SLIT3: variants seen among roughly 807,000 people sequenced by gnomAD.
The protein encoded by SLIT3 is slit homolog 3 protein.
A neutral mutation model predicts 184.0 loss-of-function variants in SLIT3; 68 were observed. That is an observed-to-expected ratio of 0.37 (90% CI 0.30 to 0.45). The LOEUF is 0.45. Ranked by LOEUF, SLIT3 falls within the 20% of genes least tolerant of loss-of-function variation. The pLI is 1.00. For synonymous variants in SLIT3, 831 were observed against 828.6 expected, an observed-to-expected ratio of 1.00 and a Z score of -0.05; for missense variants, 1,707 against 2,026.0, an observed-to-expected ratio of 0.84 and a Z score of 3.02.
chr5:169,260,890 C>T (rs980286041), intron 1 of SLIT3, among the ~76,000 whole-genome samples: 14 of 152,250 alleles, frequency 9.2e-5, no homozygotes, highest in Middle Eastern at 3.4e-3. Context: ...CTATGATAAA[C>T]GCTGTATACC....
intron 20 of SLIT3, among the ~76,000 whole-genome samples, chr5:168,738,149 C>T (rs1763496713): frequency 1.3e-5 from 2 of 152,168 alleles, no homozygotes; most frequent in South Asian, 4.1e-4. Context: ...TTTCAGGGGT[C>T]TATGAGGCCA....
chr5:168,886,740 T>C (rs938568412), intron 4 of SLIT3, among the ~76,000 whole-genome samples: 2 of 152,150 alleles, frequency 1.3e-5, no homozygotes, highest in African/African-American at 4.8e-5. Flanking sequence ...GGAAAGGCTT[T>C]CTTGGTTGGG....
At chr5:168,927,718 C>T (rs972935066) in intron 4 of SLIT3, among the ~76,000 whole-genome samples, 1 of 152,198 alleles carries the variant, frequency 6.6e-6, no homozygotes, top group African/African-American at 2.4e-5. Flanking sequence ...GCAGGGCCCC[C>T]GCCCTTACCA....
At chr5:168,722,875 G>A in intron 22 of SLIT3, 58 bp downstream of exon 22, 2 of 1,322,884 alleles carry the variant, frequency 1.5e-6, no homozygotes, top group Non-Finnish European at 2.2e-6. Flanking sequence ...GAGGGAAAGA[G>A]TAACCATCTA....
chr5:169,151,046 C>T (rs1561699410), intron 4 of SLIT3, among the ~76,000 whole-genome samples: 1 of 151,956 alleles, frequency 6.6e-6, no homozygotes, highest in African/African-American at 2.4e-5. Flanking sequence ...GAAAAAAAAA[C>T]TCTAAAAATA....
At position 168,741,415 on chromosome 5, in the gene SLIT3, A is replaced by G. The variant is rs535288262; in HGVS notation, c.2270+6887T>C. Among the ~76,000 whole-genome samples the G allele has an allele frequency of 8.1e-4, 117 of 144,922 alleles. 2 individuals carry two copies. The highest frequency in any genetic ancestry group is 3.8e-3 in the Admixed American group (53 of 14,016). ...GAACCCGGGAGGCAGAGCTTGCAGT[A>G]AGCCGAGATCACACCACTGCATTCC... is the stretch of plus-strand genomic sequence containing the variant. On this transcript the variant is annotated intron_variant, in intron 20 of 35. Transcript: ENST00000519560.
At chr5:168,769,578 A>G (rs1561922635) in intron 14 of SLIT3, among the ~76,000 whole-genome samples, 1 of 152,090 alleles carries the variant, frequency 6.6e-6, no homozygotes, top group African/African-American at 2.4e-5. Context: ...GTCAGCCACT[A>G]GAATCTGGAC....
At chr5:168,895,485 T>TTCA in intron 4 of SLIT3, among the ~76,000 whole-genome samples, 1 of 152,320 alleles carries the variant, frequency 6.6e-6, no homozygotes, top group Admixed American at 6.5e-5. Flanking sequence ...GGCCATCTGC[T>TTCA]GATAAAATCA....
At chr5:168,781,670 C>T (rs1755976393) in intron 12 of SLIT3, among the ~76,000 whole-genome samples, 1 of 152,088 alleles carries the variant, frequency 6.6e-6, no homozygotes, top group Admixed American at 6.5e-5. Context: ...TTATGCTGAG[C>T]CATAACAAAA....
At chr5:169,268,669 ACTC>A (rs1347641199) in intron 1 of SLIT3, among the ~76,000 whole-genome samples, 1 of 152,110 alleles carries the variant, frequency 6.6e-6, no homozygotes, top group Non-Finnish European at 1.5e-5. Context: ...TTTCATTACT[ACTC>A]GTGTGTTTTG....
intron 4 of SLIT3, among the ~76,000 whole-genome samples, chr5:168,983,464 G>A (rs1440926963): frequency 1.1e-4 from 17 of 152,144 alleles, no homozygotes; most frequent in Admixed American, 1.1e-3. Flanking sequence ...ATCCTCAGTG[G>A]GACTTTGATG....
intron 6 of SLIT3, among the ~76,000 whole-genome samples, chr5:168,841,508 C>T (rs1289845299): frequency 6.6e-6 from 1 of 152,198 alleles, no homozygotes; most frequent in Non-Finnish European, 1.5e-5. Flanking sequence ...CCATACTCTG[C>T]ACTGGACATC....
intron 4 of SLIT3, among the ~76,000 whole-genome samples, chr5:169,052,861 G>A (rs1456996595): frequency 6.6e-6 from 1 of 152,070 alleles, no homozygotes; most frequent in African/African-American, 2.4e-5. Flanking sequence ...CCTTTTCCTG[G>A]GGAGCACCCA....
At chr5:169,114,559 A>T (rs1211366789) in intron 4 of SLIT3, among the ~76,000 whole-genome samples, 1 of 152,240 alleles carries the variant, frequency 6.6e-6, no homozygotes, top group East Asian at 1.9e-4. Context: ...GTGGGAGTCC[A>T]TGAAGCTGAG....
At chr5:169,010,597 C>G (rs1419836568) in intron 4 of SLIT3, among the ~76,000 whole-genome samples, 1 of 152,076 alleles carries the variant, frequency 6.6e-6, no homozygotes, top group African/African-American at 2.4e-5. Flanking sequence ...GAGATTCATC[C>G]CTATCAGAAA....
intron 12 of SLIT3, among the ~76,000 whole-genome samples, chr5:168,782,301 G>A (rs1351819621): frequency 2.6e-5 from 4 of 152,172 alleles, no homozygotes; most frequent in African/African-American, 7.2e-5. Context: ...CTGCCCTCCC[G>A]ACTTAAGTGG....
intron 20 of SLIT3, among the ~76,000 whole-genome samples, chr5:168,744,639 A>C (rs1763746593): frequency 6.6e-6 from 1 of 152,222 alleles, no homozygotes; most frequent in Non-Finnish European, 1.5e-5. Context: ...TATTATGCTA[A>C]ATCTACTCTG....
At chr5:168,857,141 G>A (rs1758912089) in intron 5 of SLIT3, among the ~76,000 whole-genome samples, 1 of 152,034 alleles carries the variant, frequency 6.6e-6, no homozygotes, top group African/African-American at 2.4e-5. Context: ...GACCACCTGG[G>A]CAAAGGCCAG....
rs527393129 is a variant in SLIT3 at position 169,257,973 on chromosome 5, T to C, written c.198-6514A>G. On this transcript the variant is annotated intron_variant, in intron 1 of 35. Transcript: ENST00000519560. ...AAGCTGATATTTGCTGGACCCATAC[T>C]ACGCACCAGGTACTGTGCTGAGGAC... Among the ~76,000 whole-genome samples the C allele has an allele frequency of 3.7e-4, 56 of 152,340 alleles. No homozygotes were observed. In the Middle Eastern group the frequency reaches 0.01, roughly 28 times the overall value.
Sources: allele counts gnomAD v4.1 joint callset (sites outside exome capture counted in the v4.1 genomes callset), GRCh38; gene constraint gnomAD v4.1.1; transcripts MANE v1.5; gene names NCBI Gene and HGNC (gene_info 2026-07-23, HGNC 2026-07-21).